The following POM121 variants were observed in gnomAD, a reference collection of about 807,000 sequenced individuals.
POM121 encodes the protein POM121 transmembrane nucleoporin, also known as nuclear envelope pore membrane protein POM 121.
In POM121, 32 loss-of-function variants were observed where a neutral mutation model predicts 81.3. The ratio of observed to expected loss-of-function variants is 0.39; its 90% CI spans 0.30 to 0.53. The LOEUF is 0.53. Ranked by LOEUF, POM121 falls within the 20% of genes least tolerant of loss-of-function variation. POM121 has a pLI of 0.66. For missense variants in POM121, 1,138 were observed against 1,614.6 expected, an observed-to-expected ratio of 0.70 and a Z score of 5.06; for synonymous variants, 514 against 694.2, an observed-to-expected ratio of 0.74 and a Z score of 4.08.
intron 1 of POM121, among the ~76,000 whole-genome samples, chr7:72,881,756 A>C (rs1251674122): frequency 6.6e-6 from 1 of 152,030 alleles, no homozygotes; most frequent in African/African-American, 2.4e-5. Context: ...CAGCCTCCTG[A>C]GTAGCAGGGA....
intron 5 of POM121, among the ~76,000 whole-genome samples, chr7:72,936,942 C>T (rs537860421): frequency 2.6e-5 from 4 of 151,838 alleles, no homozygotes; most frequent in Non-Finnish European, 5.9e-5. Context: ...CCACCGCACT[C>T]GGCCATCTAT....
chr7:72,943,026 T>C lies in POM121; in HGVS notation c.3033T>C (p.Pro1011=). The change falls in exon 11 of 13, where the codon CCT becomes CCC. Residue 1011 remains proline (P), a synonymous_variant. Coordinates refer to ENST00000434423, the MANE Select transcript of POM121 (RefSeq NM_001387691.1). ...CGGCTGCTGCACCCACACCTGCACC[T>C]CCGTCCATGATCAAGGTCGTGCCTG... The part of the protein sequence containing the change: ...AAPAAAPTPA[P]PSMIKVVPAY... 5 of 1,613,850 alleles carry C rather than the reference T, an allele frequency of 3.1e-6. No individual in the cohort carries two copies. Among genetic ancestry groups the C allele is most frequent in the Non-Finnish European group, 4.2e-6 (5 of 1,179,848 alleles).
chr7:72,885,804 G>A (rs1217419908), intron 1 of POM121, among the ~76,000 whole-genome samples: 3 of 149,948 alleles, frequency 2.0e-5, no homozygotes, highest in East Asian at 1.9e-4. Flanking sequence ...GTTATAGTCC[G>A]TTGTCTTTGC....
upstream of POM121, among the ~76,000 whole-genome samples, chr7:72,923,154 A>T (rs1304258278): frequency 7.2e-5 from 10 of 138,676 alleles, 1 homozygote; most frequent in Non-Finnish European, 1.4e-4. Flanking sequence ...CTTATGTGAA[A>T]TCGCAGTATA....
chr7:72,923,122 C>CT (rs1359348114), upstream of POM121, among the ~76,000 whole-genome samples: 1 of 149,886 alleles, frequency 6.7e-6, no homozygotes, highest in Non-Finnish European at 1.5e-5. Flanking sequence ...AACCCCCCCC[C>CT]CCTTTTTTTT....
chr7:72,917,944 G>GGGCC (rs1214585602), intron 4 of POM121, among the ~76,000 whole-genome samples: 6 of 152,222 alleles, frequency 3.9e-5, no homozygotes, highest in African/African-American at 1.2e-4. Context: ...ACTGGACAGG[G>GGGCC]GGCCCTTCCC....
chr7:72,933,048 T>C (rs112129379), intron 5 of POM121, among the ~76,000 whole-genome samples: 1 of 143,118 alleles, frequency 7.0e-6, no homozygotes, highest in South Asian at 2.2e-4. Flanking sequence ...TGAGACTCTG[T>C]CTCAAAAAAA....
rs566781228 is a variant in POM121 at position 72,888,590 on chromosome 7, T to G, written c.-520-2037T>G. Among the ~76,000 whole-genome samples, 40 of 152,290 alleles carry G rather than the reference T, an allele frequency of 2.6e-4. No individual in the cohort carries two copies. In the South Asian group the frequency reaches 8.3e-3, roughly 32 times the overall value. On this transcript the variant is annotated intron_variant, in intron 1 of 15. Coordinates refer to the POM121 transcript ENST00000395270. Reference sequence around the variant, plus strand: ...GATAATGAGCATTTTATTAATACCTTGTTCTTGATCTTAGTGGGAAGATAT... The same window carrying G: ...GATAATGAGCATTTTATTAATACCTGGTTCTTGATCTTAGTGGGAAGATAT...
chr7:72,938,069 C>T (rs1438132777), intron 5 of POM121, among the ~76,000 whole-genome samples: 1 of 152,190 alleles, frequency 6.6e-6, no homozygotes, highest in Admixed American at 6.5e-5. Flanking sequence ...CTGAGGCTAA[C>T]GTTCCACCTA....
rs1554503700 is a variant in POM121, at chr7:72,948,064, G to T, written c.*1830G>T. ...CTTATGTAAGGTAGACCCTCCTAGT[G>T]TCAGTACCTGAGCTAGTTTACCTCA... On this transcript the variant is annotated 3_prime_UTR_variant, in exon 13 of 13. Coordinates refer to ENST00000434423, the MANE Select transcript of POM121 (RefSeq NM_001387691.1). The T allele has an allele frequency of 3.1e-6, 4 of 1,299,838 alleles. No individual in the cohort carries two copies. Among genetic ancestry groups the T allele is most frequent in the East Asian group, 3.5e-5 (1 of 28,668 alleles). The allele number at this position is 1,299,838 out of a possible 1,614,324, so 80.5% of individuals were successfully genotyped here.
chr7:72,920,807 G>A (rs1364623859), upstream of POM121, among the ~76,000 whole-genome samples: 1 of 152,098 alleles, frequency 6.6e-6, no homozygotes, highest in Non-Finnish European at 1.5e-5. Flanking sequence ...CCATTCCTGC[G>A]GTGCTTGAGT....
intron 4 of POM121, among the ~76,000 whole-genome samples, chr7:72,918,617 T>TA (rs1326753689): frequency 2.6e-5 from 4 of 152,198 alleles, no homozygotes; most frequent in Admixed American, 1.3e-4. Context: ...TTGTTTTATA[T>TA]ATTTTATTAT....
chr7:72,923,926 A>G (rs1295550508), upstream of POM121, among the ~76,000 whole-genome samples: 5 of 134,442 alleles, frequency 3.7e-5, no homozygotes, highest in East Asian at 1.1e-3. Flanking sequence ...CTGTTATCAC[A>G]CTGATAACAC....
At position 72,946,463 on chromosome 7, in the gene POM121, C is replaced by G; in HGVS notation, c.*229C>G. On this transcript the variant is annotated 3_prime_UTR_variant, in exon 13 of 13. Coordinates refer to ENST00000434423, the MANE Select transcript of POM121 (RefSeq NM_001387691.1). ...GGAGGGCCAAAGCCCGGGACCTCTACTTGAACAGTTCTACTGGGGAGGCTG... is the reference window on the plus strand; with the variant it reads ...GGAGGGCCAAAGCCCGGGACCTCTAGTTGAACAGTTCTACTGGGGAGGCTG... 1 of 1,383,990 alleles carries G rather than the reference C, an allele frequency of 7.2e-7. No homozygotes were observed. Among genetic ancestry groups the G allele is most frequent in the Non-Finnish European group, 9.4e-7 (1 of 1,066,212 alleles). The allele number at this position is 1,383,990 out of a possible 1,614,324, so 85.7% of individuals were successfully genotyped here. A position where few individuals can be genotyped will look rare whatever the true frequency, so the allele number is the denominator to read the frequency against.
At chr7:72,950,157 G>C (rs782401048), downstream of POM121, 10 of 1,607,160 alleles carry the variant, frequency 6.2e-6, no homozygotes, top group African/African-American at 1.4e-4. Context: ...AGGGGTCCAG[G>C]AGAAAATGCT....
At chr7:72,920,667 T>C (rs1321612962), upstream of POM121, among the ~76,000 whole-genome samples, 4 of 152,008 alleles carry the variant, frequency 2.6e-5, no homozygotes, top group Admixed American at 1.3e-4. Flanking sequence ...TTTTTATTCC[T>C]ATATACATTT....
rs1554500528 is a variant in POM121 at position 72,940,011 on chromosome 7, C to T, written c.1563+43C>T. The T allele has an allele frequency of 3.1e-6, 5 of 1,597,732 alleles. No homozygotes were observed. In the East Asian group the frequency reaches 1.1e-4, roughly 36 times the overall value. ...TACTCCTGCCCTCCCCGGCTTAGCT[C>T]TCCTAAGTATTAGGAACGCTAAGGA... is the stretch of plus-strand genomic sequence containing the variant. On this transcript the variant is annotated intron_variant, in intron 8 of 12. Coordinates refer to ENST00000434423, the MANE Select transcript of POM121 (RefSeq NM_001387691.1).
intron 3 of POM121, among the ~76,000 whole-genome samples, chr7:72,902,255 C>CTTTTTTTTTTTTT: frequency 7.9e-6 from 1 of 126,620 alleles, no homozygotes; most frequent in Non-Finnish European, 1.7e-5. Context: ...CTTTTTCTTT[C>CTTTTTTTTTTTTT]TTTTTTTTTT....
intron 1 of POM121, among the ~76,000 whole-genome samples, chr7:72,886,646 A>G (rs1367987265): frequency 2.0e-5 from 3 of 152,130 alleles, no homozygotes; most frequent in Admixed American, 1.3e-4. Context: ...TATGTCTGCA[A>G]ATGTCTTCAT....
Sources: gnomAD v4.1 joint callset for allele counts (sites outside exome capture counted in the v4.1 genomes callset) on GRCh38, gnomAD v4.1.1 for gene constraint, MANE v1.5 for transcripts, NCBI Gene and HGNC (gene_info 2026-07-23, HGNC 2026-07-21) for gene names.